CLSPN: variants seen among roughly 807,000 people sequenced by gnomAD.
CLSPN encodes the protein claspin homolog.
CLSPN carries 85 observed loss-of-function variants against 156.3 expected under a neutral mutation model. That is an observed-to-expected ratio of 0.54 (90% CI 0.46 to 0.65). The LOEUF is 0.65. CLSPN is among the 30% of genes least tolerant of loss of function. The pLI is 0.00. For synonymous variants in CLSPN, 534 were observed against 542.4 expected, an observed-to-expected ratio of 0.98 and a Z score of 0.22; for missense variants, 1,407 against 1,554.9, an observed-to-expected ratio of 0.90 and a Z score of 1.60.
At chr1:35,727,272 C>T (rs1462650722), downstream of CLSPN, among the ~76,000 whole-genome samples, 2 of 152,190 alleles carry the variant, frequency 1.3e-5, no homozygotes, top group Admixed American at 6.5e-5. Flanking sequence ...GGCTGATCTA[C>T]AAGACAAGCC....
chr1:35,738,127 T>G, intron 21 of CLSPN, 30 bp from the exon 22 acceptor site: 3 of 609,998 alleles, frequency 4.9e-6, no homozygotes, highest in Non-Finnish European at 4.7e-6. Context: ...TATATATATA[T>G]ATATATATAT....
chr1:35,754,840 A>G (rs1297224367), intron 8 of CLSPN, among the ~76,000 whole-genome samples: 1 of 152,222 alleles, frequency 6.6e-6, no homozygotes, highest in East Asian at 1.9e-4. Flanking sequence ...ACTTGTATAC[A>G]AACGGAAATA....
At chr1:35,724,065 A>C (rs1003464810) in intron 24 of CLSPN, among the ~76,000 whole-genome samples, 14 of 152,212 alleles carry the variant, frequency 9.2e-5, no homozygotes, top group Admixed American at 7.2e-4. Context: ...AGGCAAAAGT[A>C]GTAAGCCCAG....
chr1:35,747,839 C>T, intron 14 of CLSPN, 68 bp downstream of exon 14: 1 of 1,467,346 alleles, frequency 6.8e-7, no homozygotes, highest in Non-Finnish European at 9.2e-7. Flanking sequence ...CAGAAGCTCA[C>T]TTATTTTTAA....
rs1641393760 is a variant in CLSPN, at chr1:35,734,415, C to G, written c.*2081G>C. ...AGAAAACCGGCCGGGTGCGGTGGCT[C>G]ATGCCTATAATCCCAGCACTTTGGG... On this transcript the variant is annotated 3_prime_UTR_variant, in exon 25 of 25. Coordinates refer to ENST00000318121, the MANE Select transcript of CLSPN (RefSeq NM_022111.4). 2.0e-6 allele frequency: 2 copies of G among 981,322 alleles called. No homozygotes were observed. Among genetic ancestry groups the G allele is most frequent in the Non-Finnish European group, 2.4e-6 (2 of 826,356 alleles). 60.8% of individuals were successfully genotyped at this position (981,322 alleles called of 1,614,324 possible).
rs1571222988 is a variant in CLSPN, at chr1:35,764,422, T to C, written c.426A>G (p.Thr142=). Residue 142 remains threonine, a synonymous_variant, in exon 3 of 25, where the codon ACA becomes ACG. Transcript: ENST00000318121. ...AACTCTTTCTGTCAGTGGTAAAGTC[T>C]GTAGAGTTTCCAGACTGAAGACTCA... The part of the protein sequence containing the change: ...LELSLQSGNS[T]DFTTDRKSSK... 3.7e-6 allele frequency: 6 copies of C among 1,614,156 alleles called. No homozygotes were observed. In the East Asian group the frequency reaches 1.3e-4, roughly 36 times the overall value.
rs1557510569 is a variant in CLSPN at position 35,748,033 on chromosome 1, A to T, written c.2501T>A (p.Leu834His). 3 of 1,613,616 alleles carry T rather than the reference A, an allele frequency of 1.9e-6. No homozygotes were observed. The highest frequency in any genetic ancestry group is 2.5e-6 in the Non-Finnish European group (3 of 1,179,856). The change falls in exon 14 of 25, where the codon CTT becomes CAT. Residue 834 changes from leucine (L) to histidine (H), a missense_variant. By Grantham distance (99) the Leu-to-His change is moderately conservative. Transcript: ENST00000318121. ...KSSGKLSEPS[L>H]PIEDSQDLYN... The stretch of plus-strand genomic sequence containing the variant: ...CAGATCCTGGGAATCCTCTATGGGA[A>T]GTGAAGGCTCAGACAGTTTCCCTGA...
chr1:35,764,158 C>G (rs1327056190), intron 3 of CLSPN, 108 bp downstream of exon 3: 1 of 688,138 alleles, frequency 1.5e-6, no homozygotes, highest in Non-Finnish European at 2.4e-6. Context: ...ACAAAATAGT[C>G]AATTCAAAGC....
rs933600696 is a variant in CLSPN at position 35,760,319 on chromosome 1, C to G, written c.1579+23G>C. The G allele has an allele frequency of 1.6e-5, 25 of 1,579,198 alleles. No homozygotes were observed. The Middle Eastern group carries it at 1.7e-3, about 107-fold the overall frequency. On this transcript the variant is annotated intron_variant, in intron 8 of 24. Coordinates refer to ENST00000318121, the MANE Select transcript of CLSPN (RefSeq NM_022111.4). ...TACCAGGATAATCACTCCAGGGAGGCTCCCCACAATGTAAAGGATTACCTC... is the reference window on the plus strand; with the variant it reads ...TACCAGGATAATCACTCCAGGGAGGGTCCCCACAATGTAAAGGATTACCTC...
In CLSPN at chr1:35,734,912, T is replaced by G. The variant is rs753418511; in HGVS notation, c.*1584A>C. On this transcript the variant is annotated 3_prime_UTR_variant, in exon 25 of 25. Transcript: ENST00000318121. Reference sequence around the variant, plus strand: ...GCTCAGTTCTGAGGGGAAAAACATTTGTCTAAAATTCTGAGAAGCTTGTGG... The same window carrying G: ...GCTCAGTTCTGAGGGGAAAAACATTGGTCTAAAATTCTGAGAAGCTTGTGG... 7 of 985,424 alleles carry G rather than the reference T, an allele frequency of 7.1e-6. No individual in the cohort carries two copies. Among genetic ancestry groups the G allele is most frequent in the Non-Finnish European group, 8.4e-6 (7 of 829,934 alleles). 61.0% of individuals were successfully genotyped at this position (985,424 alleles called of 1,614,324 possible).
rs758999511 is a variant in CLSPN, at chr1:35,743,210, G to A, written c.3074C>T (p.Ala1025Val). ...DEHSDSGNDL[A>V]LEDHEDDDEE... ...ATCATCATCTTCATGGTCTTCCAGT[G>A]CCAGATCATTACCAGAGTCACTGTG... Residue 1025 changes from alanine (A) to valine (V), a missense_variant, in exon 18 of 25, where the codon GCA becomes GTA. Coordinates refer to ENST00000318121, the MANE Select transcript of CLSPN (RefSeq NM_022111.4). 11 of 1,613,838 alleles carry A rather than the reference G, an allele frequency of 6.8e-6. No individual in the cohort carries two copies. In the East Asian group the frequency reaches 2.0e-4, roughly 29 times the overall value.
In CLSPN at chr1:35,761,208, T is replaced by C; in HGVS notation, c.896-4A>G. The C allele has an allele frequency of 2.0e-6, 3 of 1,528,010 alleles. No individual in the cohort carries two copies. Among genetic ancestry groups the C allele is most frequent in the East Asian group, 4.5e-5 (2 of 44,448 alleles). 94.7% of individuals were successfully genotyped at this position (1,528,010 alleles called of 1,614,324 possible). On this transcript the variant is annotated splice_region_variant and splice_polypyrimidine_tract_variant and intron_variant, in intron 6 of 24. Transcript: ENST00000318121. ...TATGGAAGGTTCAGTGCAGACTCTA[T>C]AAAATGGAATAAAACAAGCAAATAT... is the stretch of plus-strand genomic sequence containing the variant.
downstream of CLSPN, among the ~76,000 whole-genome samples, chr1:35,731,207 A>T (rs1571185821): frequency 6.6e-6 from 1 of 151,960 alleles, no homozygotes; most frequent in Admixed American, 6.6e-5. Flanking sequence ...CTCAAAAAAA[A>T]AAAAAAGAAA....
rs1484495060 is a variant in CLSPN at position 35,732,130 on chromosome 1, T to C, written c.*4366A>G. 1.0e-6 allele frequency: 1 copy of C among 981,628 alleles called. No homozygotes were observed. The highest frequency in any genetic ancestry group is 1.2e-6 in the Non-Finnish European group (1 of 826,584). 60.8% of individuals were successfully genotyped at this position (981,628 alleles called of 1,614,324 possible). A position where few individuals can be genotyped will look rare whatever the true frequency, so the allele number is the denominator to read the frequency against. On this transcript the variant is annotated 3_prime_UTR_variant, in exon 25 of 25. Coordinates refer to ENST00000318121, the MANE Select transcript of CLSPN (RefSeq NM_022111.4). The stretch of plus-strand genomic sequence containing the variant: ...GAGGCTCTGAAAGGTGTAGTGTTAT[T>C]TATTCAAACTGTGGTAGGCACCACT...
At position 35,736,556 on chromosome 1, in the gene CLSPN, G is replaced by A. The variant is rs758205215; in HGVS notation, c.3960C>T (p.Leu1320=). 6.2e-7 allele frequency: 1 copy of A among 1,612,750 alleles called. No homozygotes were observed. Among genetic ancestry groups the A allele is most frequent in the Non-Finnish European group, 8.5e-7 (1 of 1,179,516 alleles). The change falls in exon 25 of 25, where the codon CTC becomes CTT. Residue 1320 remains leucine, a synonymous_variant. Transcript: ENST00000318121. ...SFMTSPSPKH[L]KTDDSTSGLT... ...ATCCTGAAGTGCTATCATCTGTTTT[G>A]AGGTGCTTAGGTGAAGGAGAAGTCA...
rs985305381 is a variant in CLSPN at position 35,746,134 on chromosome 1, C to T, written c.2855-572G>A. On this transcript the variant is annotated intron_variant, in intron 15 of 24. Transcript: ENST00000318121. This position sits in a 1 kb window ranked among gnomAD's most constrained non-coding sequence, Gnocchi z 4.2. ...ATAATTTTTTGTATTTTAGTAGAGA[C>T]GGGGTTTCACCGTGCTGCCCAGGCT... 4.6e-5 allele frequency among the ~76,000 whole-genome samples: 7 copies of T among 151,646 alleles called. No homozygotes were observed. The highest frequency in any genetic ancestry group is 1.5e-4 in the African/African-American group (6 of 41,302).
intron 8 of CLSPN, among the ~76,000 whole-genome samples, chr1:35,758,739 C>T (rs1642372703): frequency 6.6e-6 from 1 of 151,320 alleles, no homozygotes; most frequent in African/African-American, 2.4e-5. Flanking sequence ...TATCCATTTG[C>T]ATGCATTATT....
Position 35,748,012 on chromosome 1 carries a change from T to A in CLSPN, c.2522A>T (p.Asp841Val), listed in dbSNP as rs139560141. ...AGGCTCTGGGGAGGCGTTATACAGA[T>A]CCTGGGAATCCTCTATGGGAAGTGA... The part of the protein sequence containing the change: ...EPSLPIEDSQ[D>V]LYNASPEPKT... The change falls in exon 14 of 25, where the codon GAT (aspartate) becomes GTT (valine). Residue 841 changes from aspartate (D) to valine (V), a missense_variant. Around this residue, in one of 3 missense-constraint regions of CLSPN, gnomAD observed 1,096 missense variants for 1,193.0 expected, o/e 0.92. Transcript: ENST00000318121. 11 of 1,614,172 alleles carry A rather than the reference T, an allele frequency of 6.8e-6. No homozygotes were observed. Among genetic ancestry groups the A allele is most frequent in the Non-Finnish European group, 9.3e-6 (11 of 1,180,024 alleles).
In CLSPN at chr1:35,763,228, G is replaced by T; in HGVS notation, c.676C>A (p.Pro226Thr). 1 of 1,608,350 alleles carries T rather than the reference G, an allele frequency of 6.2e-7. No homozygotes were observed. The highest frequency in any genetic ancestry group is 8.5e-7 in the Non-Finnish European group (1 of 1,177,846). Reference sequence around the variant, plus strand: ...TCTAATGACTCTTCATCTTCCAATGGAGAGTTATTTTCATCCTCCAACCCA... The same window carrying T: ...TCTAATGACTCTTCATCTTCCAATGTAGAGTTATTTTCATCCTCCAACCCA... ...ETGLEDENNSPLEDEESLESI... is the reference protein window; with the variant it reads ...ETGLEDENNSTLEDEESLESI... Residue 226 changes from proline (P) to threonine (T), a missense_variant, in exon 4 of 25, where the codon CCA becomes ACA. Pro to Thr is a conservative substitution (Grantham distance 38). This residue lies in a region of CLSPN where 1,096 missense variants were observed against 1,193.0 expected (regional missense o/e 0.92). Coordinates refer to ENST00000318121, the MANE Select transcript of CLSPN (RefSeq NM_022111.4).
Sources: allele counts gnomAD v4.1 joint callset (sites outside exome capture counted in the v4.1 genomes callset), GRCh38; gene constraint gnomAD v4.1.1; regional missense constraint gnomAD v4.1.1; non-coding constraint Gnocchi (gnomAD v3.1); transcripts MANE v1.5; gene names NCBI Gene and HGNC (gene_info 2026-07-23, HGNC 2026-07-21).